The following PXYLP1 variants were observed in gnomAD, a reference collection of about 807,000 sequenced individuals.
The protein encoded by PXYLP1 is 2-phosphoxylose phosphatase 1, also known as acid phosphatase-like 2.
PXYLP1 carries 17 observed loss-of-function variants against 37.9 expected under a neutral mutation model. That is an observed-to-expected ratio of 0.45 (90% CI 0.31 to 0.67). The LOEUF is 0.67. Among genes scored for constraint, PXYLP1 ranks in the 30% least tolerant of loss-of-function variants. The probability of loss-of-function intolerance (pLI) is 0.07; values close to 1 mark genes in which losing one functional copy is unlikely to be tolerated. For synonymous variants in PXYLP1, 221 were observed against 232.2 expected (o/e 0.95, Z 0.44); for missense variants, 511 against 612.0 (o/e 0.84, Z 1.74).
Position 141,294,218 on chromosome 3 carries a change from G to C in PXYLP1, c.*1013G>C, listed in dbSNP as rs144074420. 7 of 152,298 alleles carry C rather than the reference G, an allele frequency of 4.6e-5. No homozygotes were observed. The highest frequency in any genetic ancestry group is 1.7e-4 in the African/African-American group (7 of 41,558). The allele number at this position is 152,298 out of a possible 1,614,324, so 9.4% of individuals were successfully genotyped here. ...CCAGTTTTAGATGACTCTTATTCCT[G>C]TAGTAATATTCAATTTGCTGTACCT... On this transcript the variant is annotated 3_prime_UTR_variant, in exon 6 of 6. Coordinates refer to ENST00000286353, the MANE Select transcript of PXYLP1 (RefSeq NM_001037172.3).
At chr3:141,262,699 G>A (rs1487231376) in intron 2 of PXYLP1, 15 of 1,534,762 alleles carry the variant, frequency 9.8e-6, no homozygotes, top group Non-Finnish European at 1.3e-5. Flanking sequence ...TTAAGATATG[G>A]ACGTTCTTAC....
chr3:141,280,314 C>T (rs1225124461), intron 4 of PXYLP1, among the ~76,000 whole-genome samples: 2 of 152,244 alleles, frequency 1.3e-5, no homozygotes, highest in Non-Finnish European at 2.9e-5. Flanking sequence ...TACCTCACTA[C>T]AGCCAGGGCT....
rs1190730950 is a variant in PXYLP1, at chr3:141,293,954, G to C, written c.*749G>C. Reference sequence around the variant, plus strand: ...ATGGTTCCTCCAGTAACTTCTGCTAGAAACACAGAATTTGGTCTGTATCTG... The same window carrying C: ...ATGGTTCCTCCAGTAACTTCTGCTACAAACACAGAATTTGGTCTGTATCTG... On this transcript the variant is annotated 3_prime_UTR_variant, in exon 6 of 6. Coordinates refer to ENST00000286353, the MANE Select transcript of PXYLP1 (RefSeq NM_001037172.3). 3 of 152,194 alleles carry C rather than the reference G, an allele frequency of 2.0e-5. No individual in the cohort carries two copies. The highest frequency in any genetic ancestry group is 3.8e-4 in the East Asian group (2 of 5,198). The allele number at this position is 152,194 out of a possible 1,614,324, so 9.4% of individuals were successfully genotyped here.
At chr3:141,252,385 G>A (rs1028945798) in intron 1 of PXYLP1, among the ~76,000 whole-genome samples, 4 of 152,166 alleles carry the variant, frequency 2.6e-5, no homozygotes, top group African/African-American at 9.7e-5. Flanking sequence ...TGTAAGAAGC[G>A]TAGTGCCAAC....
chr3:141,285,530 A>T (rs1027226228), intron 4 of PXYLP1, among the ~76,000 whole-genome samples: 6 of 152,142 alleles, frequency 3.9e-5, no homozygotes, highest in Non-Finnish European at 8.8e-5. Flanking sequence ...ACAACAAAAA[A>T]AAACAAAAAT....
chr3:141,255,155 TC>T (rs1402284447), intron 1 of PXYLP1, among the ~76,000 whole-genome samples: 2 of 152,276 alleles, frequency 1.3e-5, no homozygotes, highest in Non-Finnish European at 1.5e-5. Flanking sequence ...TAAAATCTTT[TC>T]TTTCACAGCT....
chr3:141,260,274 G>A lies in PXYLP1; in HGVS notation c.79+20G>A, dbSNP rs113425516. ...AGTTCTGTGAGTAGAGCCGGGCCCC[G>A]CAGGTCGTGGGAGGGTAGGGGCTTC... On this transcript the variant is annotated intron_variant, in intron 2 of 5. Transcript: ENST00000286353. 1.4e-3 allele frequency: 2,181 copies of A among 1,610,376 alleles called. 26 individuals are homozygous for A. The African/African-American group carries it at 0.025, about 19-fold the overall frequency.
chr3:141,253,367 C>T (rs879190990), intron 1 of PXYLP1, among the ~76,000 whole-genome samples: 3 of 152,216 alleles, frequency 2.0e-5, no homozygotes, highest in Admixed American at 2.0e-4. Context: ...CACAACACTT[C>T]CCTGCATGTA....
intron 2 of PXYLP1, among the ~76,000 whole-genome samples, chr3:141,274,974 G>A (rs999141060): frequency 7.2e-5 from 11 of 152,210 alleles, no homozygotes; most frequent in African/African-American, 2.7e-4. Flanking sequence ...TCAGAACAGT[G>A]AGAACCAAGT....
At chr3:141,243,960 C>G (rs139384843) in intron 1 of PXYLP1, among the ~76,000 whole-genome samples, 1 of 152,228 alleles carries the variant, frequency 6.6e-6, no homozygotes, top group African/African-American at 2.4e-5. Flanking sequence ...AGAAGTAATA[C>G]AAGTTTGTTT....
At chr3:141,276,873 CTGTT>C (rs377115417) in intron 2 of PXYLP1, among the ~76,000 whole-genome samples, 6 of 152,340 alleles carry the variant, frequency 3.9e-5, no homozygotes, top group African/African-American at 1.4e-4. Flanking sequence ...ATATAGTCCA[CTGTT>C]TGATTTATAT....
chr3:141,243,068 AGG>A (rs1394858692), intron 1 of PXYLP1, among the ~76,000 whole-genome samples: 1 of 152,226 alleles, frequency 6.6e-6, no homozygotes, highest in African/African-American at 2.4e-5. Context: ...TCTCAGTGCC[AGG>A]GAGGGACCAT....
rs541011072 is a variant in PXYLP1, at chr3:141,269,171, A to T, written c.79+8917A>T. ...GAAGGCAGACAACCCACCCACCCTC[A>T]AGGACAGGTTGCTGGTTTGGTGGCC... On this transcript the variant is annotated intron_variant, in intron 2 of 5. Transcript: ENST00000286353. Among the ~76,000 whole-genome samples, 4 of 152,346 alleles carry T rather than the reference A, an allele frequency of 2.6e-5. No homozygotes were observed. The East Asian group carries it at 7.7e-4, about 29-fold the overall frequency.
At chr3:141,267,887 C>CTCTCTCCA (rs1941558490) in intron 2 of PXYLP1, among the ~76,000 whole-genome samples, 1 of 152,034 alleles carries the variant, frequency 6.6e-6, no homozygotes, top group Admixed American at 6.6e-5. Context: ...CCCTCTCTCC[C>CTCTCTCCA]TCTCTCCCAC....
At chr3:141,239,259 G>A (rs1199211819) in intron 1 of PXYLP1, among the ~76,000 whole-genome samples, 9 of 152,108 alleles carry the variant, frequency 5.9e-5, no homozygotes, top group East Asian at 1.9e-4. Flanking sequence ...CTCTTTTGTC[G>A]CCAGTGTGTC....
chr3:141,259,131 T>C (rs142690687), intron 1 of PXYLP1, among the ~76,000 whole-genome samples: 1,601 of 152,336 alleles, frequency 0.011, 15 homozygotes, highest in Non-Finnish European at 0.018. Context: ...AATGGCTATA[T>C]TCAGTTATAT....
Position 141,286,500 on chromosome 3 carries a change from A to G in PXYLP1, c.366-814A>G, listed in dbSNP as rs187286050. On this transcript the variant is annotated intron_variant, in intron 4 of 5. Transcript: ENST00000286353. ...GTGACCTTGATAAAGGATAGGGTAG[A>G]TTTTCTAGGAGGAAGGGATAGCTCG... Among the ~76,000 whole-genome samples the G allele has an allele frequency of 1.5e-3, 226 of 152,268 alleles. 1 individual carries two copies. Among genetic ancestry groups the G allele is most frequent in the Admixed American group, 2.5e-3 (38 of 15,294 alleles).
At chr3:141,263,403 G>A (rs1941437284) in intron 2 of PXYLP1, among the ~76,000 whole-genome samples, 1 of 152,210 alleles carries the variant, frequency 6.6e-6, no homozygotes, top group Non-Finnish European at 1.5e-5. Context: ...TTTGGAAGGT[G>A]AAACATTCTG....
chr3:141,287,153 C>T (rs1942095961), intron 4 of PXYLP1, among the ~76,000 whole-genome samples, 161 bp from the exon 5 acceptor site: 1 of 152,052 alleles, frequency 6.6e-6, no homozygotes, highest in Non-Finnish European at 1.5e-5. Flanking sequence ...TGTCAGTGGT[C>T]GAGAAATAAT....
Sources: allele counts gnomAD v4.1 joint callset (sites outside exome capture counted in the v4.1 genomes callset), GRCh38; gene constraint gnomAD v4.1.1; transcripts MANE v1.5; gene names NCBI Gene and HGNC (gene_info 2026-07-23, HGNC 2026-07-21).